Variants in TM9SF4 observed in about 807,000 individuals in gnomAD.
The protein encoded by TM9SF4 is dinucleotide oxidase disulfide thiol exchanger 3 superfamily member 4.
A neutral mutation model predicts 90.4 loss-of-function variants in TM9SF4; 26 were observed. The ratio of observed to expected loss-of-function variants is 0.29; its 90% confidence interval spans 0.21 to 0.40. The LOEUF is 0.40. TM9SF4 is among the 10% of genes least tolerant of loss of function. TM9SF4 has a pLI of 1.00. For missense variants in TM9SF4, 549 were observed against 834.8 expected, an observed-to-expected ratio of 0.66 and a Z score of 4.22; for synonymous variants, 293 against 315.4, an observed-to-expected ratio of 0.93 and a Z score of 0.75.
intron 8 of TM9SF4, 64 bp downstream of exon 8, chr20:32,145,487 A>G: frequency 1.4e-6 from 2 of 1,427,302 alleles, no homozygotes; most frequent in Non-Finnish European, 2.0e-6. Flanking sequence ...GAGACATCAC[A>G]TCATGTATGG....
chr20:32,127,554 C>CT (rs1315478530), intron 1 of TM9SF4, among the ~76,000 whole-genome samples: 2 of 152,188 alleles, frequency 1.3e-5, no homozygotes, highest in Admixed American at 1.3e-4. Flanking sequence ...GTGCCTTGTG[C>CT]TTAGGAGGTG....
chr20:32,130,102 G>T (rs2046489007), intron 1 of TM9SF4, among the ~76,000 whole-genome samples: 1 of 152,168 alleles, frequency 6.6e-6, no homozygotes. Flanking sequence ...CCAAGATGGT[G>T]ACATTTTAAT....
At chr20:32,163,268 A>AAAAAATATATAT (rs1555886757) in intron 17 of TM9SF4, among the ~76,000 whole-genome samples, 4 of 74,482 alleles carry the variant, frequency 5.4e-5, no homozygotes, top group African/African-American at 1.2e-4. Flanking sequence ...AAAAAAAAAA[A>AAAAAATATATAT]ATATATATAT....
At chr20:32,126,961 T>C (rs2046432013) in intron 1 of TM9SF4, among the ~76,000 whole-genome samples, 1 of 152,142 alleles carries the variant, frequency 6.6e-6, no homozygotes, top group Non-Finnish European at 1.5e-5. Context: ...CTCAAACTCC[T>C]GACCTCAGGT....
chr20:32,112,729 C>A (rs2046164749), intron 1 of TM9SF4, among the ~76,000 whole-genome samples: 1 of 150,868 alleles, frequency 6.6e-6, no homozygotes, highest in Non-Finnish European at 1.5e-5. Context: ...AAACACACCA[C>A]CACCAACAAA....
intron 15 of TM9SF4, 138 bp from the exon 16 acceptor site, chr20:32,159,853 GC>G: frequency 8.0e-7 from 1 of 1,254,906 alleles, no homozygotes; most frequent in Non-Finnish European, 1.1e-6. Context: ...GGGAAGAGGG[GC>G]CAGAGCCACA....
chr20:32,140,148 A>G (rs541850737), intron 3 of TM9SF4, among the ~76,000 whole-genome samples: 7 of 152,328 alleles, frequency 4.6e-5, no homozygotes, highest in African/African-American at 1.4e-4. Flanking sequence ...GCAGATCCAC[A>G]CTGGAGGAAA....
At chr20:32,146,415 TAGTG>T (rs1483381705) in intron 8 of TM9SF4, among the ~76,000 whole-genome samples, 1 of 151,964 alleles carries the variant, frequency 6.6e-6, no homozygotes, top group Non-Finnish European at 1.5e-5. Context: ...GATGAGAACA[TAGTG>T]AGGCCAGGAG....
At chr20:32,159,427 G>C (rs1214608858) in intron 15 of TM9SF4, 1 of 154,422 alleles carries the variant, frequency 6.5e-6, no homozygotes, top group Non-Finnish European at 1.4e-5. Flanking sequence ...CCAGAGTAGT[G>C]GCCCAGCCCC....
intron 1 of TM9SF4, among the ~76,000 whole-genome samples, chr20:32,119,260 A>T (rs2046271854): frequency 6.6e-6 from 1 of 151,986 alleles, no homozygotes; most frequent in South Asian, 2.1e-4. Flanking sequence ...GGAGTTCAAG[A>T]CCATCCTGGG....
chr20:32,113,343 C>T (rs1012288127), intron 1 of TM9SF4, among the ~76,000 whole-genome samples: 1 of 152,138 alleles, frequency 6.6e-6, no homozygotes, highest in Non-Finnish European at 1.5e-5. Context: ...CAAGACTTCT[C>T]CCTCCATAGA....
chr20:32,124,989 AAT>A (rs1255488943), intron 1 of TM9SF4, among the ~76,000 whole-genome samples: 1 of 152,138 alleles, frequency 6.6e-6, no homozygotes, highest in African/African-American at 2.4e-5. Flanking sequence ...TAAAATGTCA[AAT>A]ATTCTCAAGG....
intron 3 of TM9SF4, among the ~76,000 whole-genome samples, chr20:32,136,717 A>G (rs987344519): frequency 1.3e-5 from 2 of 152,226 alleles, no homozygotes; most frequent in East Asian, 1.9e-4. Context: ...TCTAATTTAA[A>G]TAATTCTCCA....
intron 1 of TM9SF4, 45 bp downstream of exon 1, chr20:32,109,800 C>T (rs907926997): frequency 1.1e-5 from 17 of 1,551,312 alleles, no homozygotes; most frequent in Non-Finnish European, 1.5e-5. Context: ...GCGGGGCCCT[C>T]CGGGGTATCC....
intron 3 of TM9SF4, among the ~76,000 whole-genome samples, chr20:32,140,377 T>G (rs915568417): frequency 1.3e-5 from 2 of 152,004 alleles, no homozygotes; most frequent in Admixed American, 6.6e-5. Flanking sequence ...AAATCTCAGG[T>G]GCTGGATTTC....
At chr20:32,158,369 C>T in intron 14 of TM9SF4, 82 bp from the exon 15 acceptor site, 1 of 1,358,158 alleles carries the variant, frequency 7.4e-7, no homozygotes, top group Non-Finnish European at 1.1e-6. Flanking sequence ...TAGGTGCTCT[C>T]TCTTCATGCC....
intron 13 of TM9SF4, among the ~76,000 whole-genome samples, chr20:32,157,302 C>G (rs1368847816): frequency 1.3e-5 from 2 of 152,098 alleles, no homozygotes; most frequent in Non-Finnish European, 2.9e-5. Flanking sequence ...GATGCAGAAC[C>G]CATGGATACA....
At chr20:32,113,693 C>G (rs887173645) in intron 1 of TM9SF4, among the ~76,000 whole-genome samples, 1 of 152,110 alleles carries the variant, frequency 6.6e-6, no homozygotes, top group Non-Finnish European at 1.5e-5. Context: ...AAATTCACCC[C>G]TTTAAAGTAT....
Position 32,145,389 on chromosome 20 carries a change from C to T in TM9SF4, c.849C>T (p.Ile283=). ...ACGTCCAGATCCACTGGTTTTCTAT[C>T]ATTAACTCCGTTGTTGTGGTCTTCT... The part of the protein sequence containing the change: ...MSDVQIHWFS[I]INSVVVVFFL... The change falls in exon 8 of 18, where the codon ATC becomes ATT. Residue 283 remains isoleucine (I), a synonymous_variant. Coordinates refer to ENST00000398022, the MANE Select transcript of TM9SF4 (RefSeq NM_014742.4). 1 of 1,614,144 alleles carries T rather than the reference C, an allele frequency of 6.2e-7. No individual in the cohort carries two copies. Among genetic ancestry groups the T allele is most frequent in the South Asian group, 1.1e-5 (1 of 91,084 alleles).
Sources: allele counts gnomAD v4.1 joint callset (sites outside exome capture counted in the v4.1 genomes callset), GRCh38; gene constraint gnomAD v4.1.1; transcripts MANE v1.5; gene names NCBI Gene and HGNC (gene_info 2026-07-23, HGNC 2026-07-21).